CAST: variants seen among roughly 807,000 people sequenced by gnomAD.
CAST encodes the protein MIR583 host.
CAST carries 76 observed loss-of-function variants against 119.6 expected under a neutral mutation model. The ratio of observed to expected loss-of-function variants is 0.64; its 90% CI spans 0.53 to 0.77. The LOEUF (loss-of-function observed/expected upper bound fraction) is 0.77, where lower values mean the gene tolerates loss of function less well. Among genes scored for constraint, CAST ranks in the 30% least tolerant of loss-of-function variants. CAST has a pLI of 0.00. For missense variants in CAST, 953 were observed against 946.5 expected (o/e 1.01, Z -0.09); for synonymous variants, 319 against 331.6 (o/e 0.96, Z 0.41).
chr5:96,580,178 G>A (rs916762059), intron 1 of CAST, among the ~76,000 whole-genome samples: 1 of 152,082 alleles, frequency 6.6e-6, no homozygotes, highest in African/African-American at 2.4e-5. Context: ...GGACTAATCT[G>A]GTGCCCTACC....
At chr5:96,491,330 C>CAAA in the CAST span, among the ~76,000 whole-genome samples, 1 of 144,784 alleles carries the variant, frequency 6.9e-6, no homozygotes. Flanking sequence ...CTAAAAAATA[C>CAAA]AAAAAAAAAA....
chr5:96,323,862 G>A, the CAST span, among the ~76,000 whole-genome samples: 1 of 152,218 alleles, frequency 6.6e-6, no homozygotes, highest in Non-Finnish European at 1.5e-5. Flanking sequence ...TGGCAGAGGT[G>A]GAGGTAGAAC....
chr5:96,736,515 A>G (rs1761678585), intron 10 of CAST, among the ~76,000 whole-genome samples: 1 of 152,066 alleles, frequency 6.6e-6, no homozygotes, highest in Non-Finnish European at 1.5e-5. Context: ...TCTCTCCTGC[A>G]AATACACTTT....
chr5:96,621,402 G>A (rs1747600677), intron 1 of CAST, among the ~76,000 whole-genome samples: 1 of 152,182 alleles, frequency 6.6e-6, no homozygotes, highest in African/African-American at 2.4e-5. Flanking sequence ...CTCGAGACTG[G>A]GTAATTTATA....
At chr5:96,723,303 G>GT (rs1205697055) in intron 4 of CAST, among the ~76,000 whole-genome samples, 2 of 151,892 alleles carry the variant, frequency 1.3e-5, no homozygotes, top group Non-Finnish European at 2.9e-5. Flanking sequence ...ATTTGATTGA[G>GT]TTTTTTAATT....
At chr5:96,064,471 A>C in the CAST span, among the ~76,000 whole-genome samples, 1 of 152,058 alleles carries the variant, frequency 6.6e-6, no homozygotes, top group Non-Finnish European at 1.5e-5. Flanking sequence ...AGGCAAAAGT[A>C]TGTAATTGCA....
rs375062340 is a variant in CAST at position 96,722,622 on chromosome 5, CT to C, written c.211-14del. The C allele has an allele frequency of 1.1e-5, 17 of 1,597,876 alleles. No individual in the cohort carries two copies. The African/African-American group carries it at 2.3e-4, about 21-fold the overall frequency. Reference sequence around the variant, plus strand: ...TTAAATAGAATCGAACTTTCTATTTCTTTCTTTCCTTTCTAGGTGTCAGCTT... The same window carrying C: ...TTAAATAGAATCGAACTTTCTATTTCTTCTTTCCTTTCTAGGTGTCAGCTT... On this transcript the variant is annotated splice_polypyrimidine_tract_variant and intron_variant, in intron 3 of 31. Coordinates refer to ENST00000675179, the MANE Select transcript of CAST (RefSeq NM_001750.7).
At position 96,729,170 on chromosome 5, in the gene CAST, G is replaced by GA. The variant is rs763288645; in HGVS notation, c.402dup (p.Ser135IlefsTer25). 3.7e-5 allele frequency: 60 copies of GA among 1,600,512 alleles called. No homozygotes were observed. The highest frequency in any genetic ancestry group is 6.7e-5 in the Admixed American group (4 of 59,428). Reference sequence around the variant, plus strand: ...ATTGACAGCTGTCTGTGGTTCATGAGAAAAAATCCCAAGAAGGAAAGCCAA... The same window carrying GA: ...ATTGACAGCTGTCTGTGGTTCATGAGAAAAAAATCCCAAGAAGGAAAGCCAA... On this transcript the variant is annotated frameshift_variant, in exon 7 of 32. Coordinates refer to ENST00000675179, the MANE Select transcript of CAST (RefSeq NM_001750.7). LOFTEE classifies it high-confidence loss of function.
chr5:96,698,594 T>A (rs1753561759), intron 3 of CAST, among the ~76,000 whole-genome samples: 1 of 152,202 alleles, frequency 6.6e-6, no homozygotes, highest in African/African-American at 2.4e-5. Context: ...TGATGCCAGA[T>A]TGGAATGGTT....
the CAST span, among the ~76,000 whole-genome samples, chr5:95,995,337 G>A: frequency 1.1e-3 from 163 of 152,166 alleles, 2 homozygotes; most frequent in African/African-American, 3.6e-3. Context: ...TTTGTCCTGA[G>A]AAATTCCATT....
the CAST span, among the ~76,000 whole-genome samples, chr5:96,505,849 T>C: frequency 1.1e-4 from 17 of 152,200 alleles, no homozygotes; most frequent in Non-Finnish European, 2.4e-4. Flanking sequence ...TTCCTCAGCC[T>C]CCTTCTAACA....
the CAST span, among the ~76,000 whole-genome samples, chr5:96,475,543 G>A: frequency 0.011 from 1,650 of 152,284 alleles, 15 homozygotes; most frequent in Non-Finnish European, 0.016. Flanking sequence ...ACAGAAAATT[G>A]CAAAACAGGC....
intron 24 of CAST, among the ~76,000 whole-genome samples, chr5:96,758,375 G>T (rs1766819659): frequency 6.6e-6 from 1 of 152,118 alleles, no homozygotes; most frequent in Non-Finnish European, 1.5e-5. Context: ...TGTTAAGCAG[G>T]TTTCTCTACT....
the CAST span, among the ~76,000 whole-genome samples, chr5:96,382,353 A>C: frequency 6.6e-6 from 1 of 152,174 alleles, no homozygotes; most frequent in African/African-American, 2.4e-5. Context: ...GTGGGGGATA[A>C]TAATAAGTGT....
chr5:96,137,816 T>G, the CAST span, among the ~76,000 whole-genome samples: 1 of 152,126 alleles, frequency 6.6e-6, no homozygotes, highest in Non-Finnish European at 1.5e-5. Flanking sequence ...TGTTCAGATC[T>G]TTTGTCTGTT....
the CAST span, among the ~76,000 whole-genome samples, chr5:95,988,743 A>G: frequency 2.4e-4 from 37 of 152,288 alleles, no homozygotes; most frequent in African/African-American, 8.7e-4. Context: ...ACCACACCTC[A>G]TAAGGTTATT....
the CAST span, among the ~76,000 whole-genome samples, chr5:96,279,749 G>A: frequency 6.6e-6 from 1 of 152,208 alleles, no homozygotes; most frequent in Non-Finnish European, 1.5e-5. Context: ...TTCTTGAGAA[G>A]TTATAAAAAC....
chr5:96,582,333 GA>G (rs1423096363), intron 1 of CAST, among the ~76,000 whole-genome samples: 1 of 152,264 alleles, frequency 6.6e-6, no homozygotes, highest in African/African-American at 2.4e-5. Context: ...ATTTCATTTA[GA>G]TACATAATAA....
At chr5:96,737,076 C>T (rs1761813736) in intron 10 of CAST, among the ~76,000 whole-genome samples, 1 of 152,208 alleles carries the variant, frequency 6.6e-6, no homozygotes, top group African/African-American at 2.4e-5. Context: ...ATCATGAGAA[C>T]AGCATGAAAA....
Sources: gnomAD v4.1 joint callset for allele counts (sites outside exome capture counted in the v4.1 genomes callset) on GRCh38, gnomAD v4.1.1 for gene constraint, MANE v1.5 for transcripts, NCBI Gene and HGNC (gene_info 2026-07-23, HGNC 2026-07-21) for gene names.